Variants in FRMD4B observed in about 807,000 individuals in gnomAD.
The protein encoded by FRMD4B is FERM domain containing 4B.
In FRMD4B, 74 loss-of-function variants were observed where a neutral mutation model predicts 141.5. The ratio of observed to expected loss-of-function variants is 0.52; its 90% CI spans 0.43 to 0.63. The LOEUF is 0.63. FRMD4B is among the 30% of genes least tolerant of loss of function. FRMD4B has a pLI of 0.00. For missense variants in FRMD4B, 1,366 were observed against 1,253.4 expected (o/e 1.09, Z -1.36); for synonymous variants, 506 against 467.9 (o/e 1.08, Z -1.05).
In FRMD4B at chr3:69,472,925, C is replaced by CTTTTTTTTTTTTTT. The variant is rs796453101; in HGVS notation, c.-128-40165_-128-40164insAAAAAAAAAAAAAA. Among the ~76,000 whole-genome samples the CTTTTTTTTTTTTTT allele has an allele frequency of 2.6e-3, 237 of 90,836 alleles. 15 individuals carry two copies. The highest frequency in any genetic ancestry group is 7.5e-3 in the Middle Eastern group (1 of 134). The allele number at this position is 90,836 out of a possible 152,430, so 59.6% of individuals were successfully genotyped here. ...TATCCAAGGCTTCAAGTGAGTCTTT[C>CTTTTTTTTTTTTTT]TTTTTTTTTTTTCTTTTTTTTTTTT... On this transcript the variant is annotated intron_variant, in intron 1 of 5. Transcript: ENST00000459638.
At chr3:69,523,101 A>C (rs1700877068) in intron 1 of FRMD4B, among the ~76,000 whole-genome samples, 1 of 150,188 alleles carries the variant, frequency 6.7e-6, no homozygotes, top group Admixed American at 6.6e-5. Flanking sequence ...CCACCTGGAG[A>C]GGCCATATAA....
intron 2 of FRMD4B, among the ~76,000 whole-genome samples, chr3:69,426,657 C>T (rs577054971): frequency 5.3e-5 from 8 of 152,256 alleles, no homozygotes; most frequent in African/African-American, 1.9e-4. Context: ...TGTTCATTAC[C>T]ACAGAGCTAT....
At chr3:69,217,578 C>A (rs909717783) in intron 10 of FRMD4B, among the ~76,000 whole-genome samples, 2 of 152,122 alleles carry the variant, frequency 1.3e-5, no homozygotes, top group Non-Finnish European at 2.9e-5. Context: ...GCTGAGATCA[C>A]GCCACTGCAC....
intron 2 of FRMD4B, among the ~76,000 whole-genome samples, chr3:69,414,850 G>A (rs1704825234): frequency 6.7e-6 from 1 of 149,836 alleles, no homozygotes; most frequent in Non-Finnish European, 1.5e-5. Context: ...GAGACTCACA[G>A]CGAACAAGCT....
chr3:69,482,412 C>G (rs1351496535), intron 1 of FRMD4B, among the ~76,000 whole-genome samples: 1 of 151,912 alleles, frequency 6.6e-6, no homozygotes, highest in East Asian at 1.9e-4. Flanking sequence ...ATGATCAAAA[C>G]CACACTCCCA....
Position 69,182,625 on chromosome 3 carries a change from C to T in FRMD4B, c.2012G>A (p.Arg671Gln), listed in dbSNP as rs753501547. 8 of 1,612,906 alleles carry T rather than the reference C, an allele frequency of 5.0e-6. No individual in the cohort carries two copies. The highest frequency in any genetic ancestry group is 1.1e-5 in the South Asian group (1 of 91,000). Residue 671 changes from arginine (R) to glutamine (Q), a missense_variant, in exon 20 of 23, where the codon CGA becomes CAA. Transcript: ENST00000398540. ...RSMPTTPVLT[R>Q]NAYSSSHLEP... is the part of the protein sequence containing the mutation. ...CAAGTGGCTGCTGCTGTAGGCGTTTCGGGTAAGAACTGGCGTGGTGGGCAT... is the reference window on the plus strand; with the variant it reads ...CAAGTGGCTGCTGCTGTAGGCGTTTTGGGTAAGAACTGGCGTGGTGGGCAT...
chr3:69,212,049 A>G (rs2093086194), intron 11 of FRMD4B, among the ~76,000 whole-genome samples: 2 of 150,938 alleles, frequency 1.3e-5, no homozygotes, highest in South Asian at 4.2e-4. Flanking sequence ...AAAAACGGAG[A>G]AAGAGAAGGC....
rs1701876683 is a variant in FRMD4B, at chr3:69,318,422, C to T, written c.163-4905G>A. 2.6e-5 allele frequency among the ~76,000 whole-genome samples: 4 copies of T among 152,124 alleles called. No homozygotes were observed. The South Asian group carries it at 6.2e-4, about 24-fold the overall frequency. On this transcript the variant is annotated intron_variant, in intron 1 of 22. Transcript: ENST00000398540. ...ATCTACTCATAATCACTGAGGCGCC[C>T]ATCGATGACAATACAACAACCAAGA...
intron 1 of FRMD4B, among the ~76,000 whole-genome samples, chr3:69,525,954 C>CG (rs1700925997): frequency 6.6e-6 from 1 of 152,058 alleles, no homozygotes; most frequent in Non-Finnish European, 1.5e-5. Flanking sequence ...CCACCATGCT[C>CG]GGCCTGTTTC....
chr3:69,238,702 A>T lies in FRMD4B; in HGVS notation c.581+10524T>A, dbSNP rs181774333. 5.9e-5 allele frequency among the ~76,000 whole-genome samples: 9 copies of T among 152,270 alleles called. No homozygotes were observed. In the East Asian group the frequency reaches 9.7e-4, roughly 16 times the overall value. On this transcript the variant is annotated intron_variant, in intron 7 of 22. Coordinates refer to ENST00000398540, the MANE Select transcript of FRMD4B (RefSeq NM_015123.3). ...GGAGGCTGAGATGGGAAGGTCACTT[A>T]TGCCCAGGGGGCACGTGATCTGCAG...
At chr3:69,452,795 G>A (rs1316993040) in intron 1 of FRMD4B, among the ~76,000 whole-genome samples, 2 of 152,200 alleles carry the variant, frequency 1.3e-5, no homozygotes, top group South Asian at 2.1e-4. Context: ...GAAACATAAC[G>A]TGGGTCACAA....
intron 5 of FRMD4B, among the ~76,000 whole-genome samples, chr3:69,286,486 C>T (rs1031282788): frequency 6.6e-6 from 1 of 152,022 alleles, no homozygotes; most frequent in Non-Finnish European, 1.5e-5. Flanking sequence ...ACTATAAACC[C>T]TAAAGTAACC....
At chr3:69,379,198 CATT>C (rs551560029) in intron 1 of FRMD4B, among the ~76,000 whole-genome samples, 139 of 152,278 alleles carry the variant, frequency 9.1e-4, no homozygotes, top group African/African-American at 3.2e-3. Context: ...TGACTCCAAT[CATT>C]ATATTTTACA....
At chr3:69,242,725 C>T (rs1045689277) in intron 7 of FRMD4B, among the ~76,000 whole-genome samples, 15 of 140,538 alleles carry the variant, frequency 1.1e-4, no homozygotes, top group African/African-American at 4.7e-4. Flanking sequence ...GCTCGTTGCT[C>T]ACCTGTAATC....
At chr3:69,484,737 G>C (rs1415812015) in intron 1 of FRMD4B, among the ~76,000 whole-genome samples, 3 of 151,934 alleles carry the variant, frequency 2.0e-5, no homozygotes, top group Non-Finnish European at 4.4e-5. Context: ...CAGCAGAGAG[G>C]ATAACTCCTC....
At chr3:69,257,015 A>T (rs923925092) in intron 5 of FRMD4B, among the ~76,000 whole-genome samples, 9 of 152,176 alleles carry the variant, frequency 5.9e-5, no homozygotes, top group Non-Finnish European at 8.8e-5. Context: ...GGTAGGCAGC[A>T]TCCCTGGCCT....
intron 1 of FRMD4B, among the ~76,000 whole-genome samples, chr3:69,501,582 T>A (rs531580476): frequency 6.6e-6 from 1 of 152,174 alleles, no homozygotes; most frequent in Non-Finnish European, 1.5e-5. Context: ...TCACACTGAA[T>A]GGGCAAAAAC....
intron 1 of FRMD4B, among the ~76,000 whole-genome samples, chr3:69,528,020 C>T (rs568195192): frequency 6.6e-6 from 1 of 152,278 alleles, no homozygotes; most frequent in Admixed American, 6.5e-5. Flanking sequence ...TGCATAAAAT[C>T]TTCCAGTCTA....
chr3:69,203,320 C>CAAAAAAAA (rs796607832), intron 11 of FRMD4B, among the ~76,000 whole-genome samples: 22 of 107,892 alleles, frequency 2.0e-4, no homozygotes, highest in African/African-American at 7.5e-4. Context: ...CAAACTTCAG[C>CAAAAAAAA]AAAAAAAAAA....
Sources: gnomAD v4.1 joint callset for allele counts (sites outside exome capture counted in the v4.1 genomes callset) on GRCh38, gnomAD v4.1.1 for gene constraint, MANE v1.5 for transcripts, NCBI Gene and HGNC (gene_info 2026-07-23, HGNC 2026-07-21) for gene names.